The following SAMD12 variants were observed in gnomAD, a reference collection of about 807,000 sequenced individuals.
SAMD12 encodes the protein sterile alpha motif domain containing 12, also known as sterile alpha motif domain-containing protein 12.
SAMD12 carries 9 observed loss-of-function variants against 15.0 expected under a neutral mutation model. The ratio of observed to expected loss-of-function variants is 0.60; its 90% CI spans 0.36 to 1.05. SAMD12 has a LOEUF of 1.05. Ranked by LOEUF, SAMD12 falls within the 50% of genes least tolerant of loss-of-function variation. The pLI, the probability that SAMD12 is intolerant of heterozygous loss-of-function variation, is 0.01. For synonymous variants in SAMD12, 86 were observed against 90.1 expected (o/e 0.96, Z 0.25); for missense variants, 230 against 234.2 (o/e 0.98, Z 0.12).
the SAMD12 span, among the ~76,000 whole-genome samples, chr8:118,184,053 A>G: frequency 1.6e-4 from 25 of 152,342 alleles, no homozygotes; most frequent in South Asian, 5.2e-3. Context: ...TAAGCACTCA[A>G]TTAATGGAGC....
intron 2 of SAMD12, among the ~76,000 whole-genome samples, chr8:118,525,115 T>G (rs943381850): frequency 1.3e-5 from 2 of 152,180 alleles, no homozygotes; most frequent in Non-Finnish European, 2.9e-5. Flanking sequence ...TCTTCTCATT[T>G]TCTTTCTGCT....
At chr8:118,342,869 C>G (rs1817441790) in intron 4 of SAMD12, among the ~76,000 whole-genome samples, 2 of 152,124 alleles carry the variant, frequency 1.3e-5, no homozygotes, top group Admixed American at 1.3e-4. Flanking sequence ...AAAATGGGCA[C>G]AGCTATAGTC....
intron 2 of SAMD12, among the ~76,000 whole-genome samples, chr8:118,458,950 ATG>A (rs56067272): frequency 0.26 from 38,815 of 149,100 alleles, 5,204 homozygotes; most frequent in East Asian, 0.47. Context: ...TCAGCTATAT[ATG>A]TGTGTGTGTG....
In SAMD12 at chr8:118,593,421, A is replaced by C. The variant is rs569757530; in HGVS notation, c.14-12528T>G. On this transcript the variant is annotated intron_variant, in intron 1 of 3. Transcript: ENST00000314727. ...CATCAGAGGTGGTATTACTAATAAC[A>C]GCTCAATACTTCTGAATGTACCTTG... 4.6e-5 allele frequency among the ~76,000 whole-genome samples: 7 copies of C among 152,340 alleles called. No homozygotes were observed. The East Asian group carries it at 1.3e-3, about 29-fold the overall frequency.
At chr8:118,353,936 T>C (rs1586586888) in intron 4 of SAMD12, among the ~76,000 whole-genome samples, 3 of 152,206 alleles carry the variant, frequency 2.0e-5, no homozygotes, top group Admixed American at 2.0e-4. Flanking sequence ...TTGGCTGCCC[T>C]GCTCTGAAAT....
chr8:118,437,412 C>T (rs1406997222), intron 3 of SAMD12, among the ~76,000 whole-genome samples: 1 of 152,106 alleles, frequency 6.6e-6, no homozygotes, highest in Non-Finnish European at 1.5e-5. Flanking sequence ...AAATAGGCTG[C>T]CCTTAAAAGG....
chr8:118,599,208 G>C (rs577153445), intron 1 of SAMD12, among the ~76,000 whole-genome samples: 7 of 152,274 alleles, frequency 4.6e-5, no homozygotes, highest in African/African-American at 1.7e-4. Flanking sequence ...GTCTGGCATG[G>C]TGTGCACATC....
At chr8:118,486,697 G>A (rs75436045) in intron 2 of SAMD12, among the ~76,000 whole-genome samples, 1,794 of 150,044 alleles carry the variant, frequency 0.012, 36 homozygotes, top group African/African-American at 0.041. Flanking sequence ...TTAAGCAACA[G>A]AATTTGTGGT....
chr8:118,494,845 C>A (rs1586762337), intron 2 of SAMD12, among the ~76,000 whole-genome samples: 1 of 152,158 alleles, frequency 6.6e-6, no homozygotes, highest in African/African-American at 2.4e-5. Flanking sequence ...CCACACAAAG[C>A]ATAGTATAAT....
In SAMD12 at chr8:118,580,837, T is replaced by C. The variant is rs140695071; in HGVS notation, c.70A>G (p.Ile24Val). The change falls in exon 2 of 4, where the codon ATT becomes GTT. Residue 24 changes from isoleucine to valine, a missense_variant. Transcript: ENST00000314727. ...CCTTCACCTTCAATTTGCAGTTTAATACCTTCAGCATGGGCAGGGTGATCA... is the reference window on the plus strand; with the variant it reads ...CCTTCACCTTCAATTTGCAGTTTAACACCTTCAGCATGGGCAGGGTGATCA... The part of the protein sequence containing the change: ...GIDHPAHAEG[I>V]KLQIEGEGVE... 112 of 1,613,312 alleles carry C rather than the reference T, an allele frequency of 6.9e-5. No homozygotes were observed. The African/African-American group carries it at 1.2e-3, about 17-fold the overall frequency.
At chr8:118,542,541 A>G (rs1826014722) in intron 2 of SAMD12, among the ~76,000 whole-genome samples, 2 of 152,184 alleles carry the variant, frequency 1.3e-5, no homozygotes, top group African/African-American at 4.8e-5. Context: ...GAGCACTCTG[A>G]TTTCAATTCC....
At chr8:118,357,272 CTG>C (rs1818276616) in intron 4 of SAMD12, among the ~76,000 whole-genome samples, 2 of 152,176 alleles carry the variant, frequency 1.3e-5, no homozygotes, top group Non-Finnish European at 2.9e-5. Context: ...GGGTCTTGCT[CTG>C]TTGTCCAGGC....
intron 2 of SAMD12, among the ~76,000 whole-genome samples, chr8:118,508,986 A>C (rs1432193835): frequency 6.6e-6 from 1 of 152,186 alleles, no homozygotes; most frequent in Non-Finnish European, 1.5e-5. Flanking sequence ...CATATTCTTA[A>C]TAACACTCTA....
At chr8:118,246,954 G>A (rs1311039294) in intron 4 of SAMD12, among the ~76,000 whole-genome samples, 1 of 152,110 alleles carries the variant, frequency 6.6e-6, no homozygotes, top group East Asian at 1.9e-4. Flanking sequence ...TGACTGAAGA[G>A]GAGCTGGGTT....
intron 4 of SAMD12, among the ~76,000 whole-genome samples, chr8:118,348,447 C>T (rs148110749): frequency 4.6e-5 from 7 of 151,884 alleles, no homozygotes; most frequent in Non-Finnish European, 7.4e-5. Flanking sequence ...GTCCGCTCAC[C>T]GCAAGCTCCG....
chr8:118,364,480 C>A (rs947093746), intron 4 of SAMD12, among the ~76,000 whole-genome samples: 3 of 152,088 alleles, frequency 2.0e-5, no homozygotes, highest in Non-Finnish European at 4.4e-5. Context: ...TTATGACAAG[C>A]GAACTCCTTA....
intron 4 of SAMD12, among the ~76,000 whole-genome samples, chr8:118,329,459 C>T (rs961788831): frequency 5.9e-5 from 9 of 152,190 alleles, no homozygotes; most frequent in African/African-American, 2.2e-4. Context: ...AGGAAACAAA[C>T]ACCTGTCCAT....
the SAMD12 span, among the ~76,000 whole-genome samples, chr8:118,139,396 T>C: frequency 4.9e-4 from 74 of 152,340 alleles, no homozygotes; most frequent in African/African-American, 1.5e-3. Flanking sequence ...TCTTACTCTG[T>C]CACCCAGCCT....
intron 2 of SAMD12, among the ~76,000 whole-genome samples, chr8:118,532,412 G>A (rs907831737): frequency 2.7e-4 from 41 of 151,484 alleles, no homozygotes; most frequent in African/African-American, 9.5e-4. Context: ...TTTTTGTTGT[G>A]TCTCTGCCAG....
Sources: allele counts gnomAD v4.1 joint callset (sites outside exome capture counted in the v4.1 genomes callset), GRCh38; gene constraint gnomAD v4.1.1; transcripts MANE v1.5; gene names NCBI Gene and HGNC (gene_info 2026-07-23, HGNC 2026-07-21).